Variants in ME3 observed in about 807,000 individuals in gnomAD.
ME3 encodes the protein malic enzyme 3.
A neutral mutation model predicts 68.9 loss-of-function variants in ME3; 48 were observed. The observed-to-expected ratio is 0.70, with a 90% CI of 0.55 to 0.89. The LOEUF (loss-of-function observed/expected upper bound fraction) is 0.89, where lower values mean the gene tolerates loss of function less well. Among genes scored for constraint, ME3 ranks in the 40% least tolerant of loss-of-function variants. The pLI is 0.00. For synonymous variants in ME3, 320 were observed against 318.8 expected, an observed-to-expected ratio of 1.00 and a Z score of -0.04; for missense variants, 675 against 797.4, an observed-to-expected ratio of 0.85 and a Z score of 1.85.
chr11:86,438,766 T>G (rs998096122), downstream of ME3, among the ~76,000 whole-genome samples: 168 of 152,300 alleles, frequency 1.1e-3, 2 homozygotes, highest in African/African-American at 3.9e-3. Context: ...TTTTCTTTCC[T>G]TTCTCTCTTT....
At chr11:86,491,694 T>G (rs574118082) in intron 6 of ME3, among the ~76,000 whole-genome samples, 2 of 152,318 alleles carry the variant, frequency 1.3e-5, no homozygotes, top group South Asian at 4.1e-4. Flanking sequence ...CTTGCAGTCC[T>G]CCTCTGTCTG....
At chr11:86,452,976 G>T (rs1949713274) in intron 8 of ME3, among the ~76,000 whole-genome samples, 1 of 152,066 alleles carries the variant, frequency 6.6e-6, no homozygotes. Flanking sequence ...GAGGCATTTT[G>T]TTAGAGGTTT....
intron 2 of ME3, among the ~76,000 whole-genome samples, chr11:86,653,317 C>T (rs618384): frequency 0.99 from 150,124 of 152,304 alleles, 74,013 homozygotes; most frequent in Non-Finnish European, 1. Flanking sequence ...ACACCACACC[C>T]ATTCCAAAAT....
intron 14 of ME3, 71 bp from the exon 15 acceptor site, chr11:86,441,511 G>T (rs931559004): frequency 7.0e-7 from 1 of 1,431,418 alleles, no homozygotes; most frequent in Non-Finnish European, 9.4e-7. Context: ...TTGCTTGGGA[G>T]CATGGGGGAG....
intron 2 of ME3, among the ~76,000 whole-genome samples, chr11:86,592,048 G>A (rs4405344): frequency 0.6 from 91,647 of 152,064 alleles, 29,183 homozygotes; most frequent in Non-Finnish European, 0.7. Context: ...AAAATCTCAC[G>A]TGAAGTCCAA....
rs141122868 is a variant in ME3, at chr11:86,666,562, T to C, written c.183+5200A>G. 3.9e-3 allele frequency among the ~76,000 whole-genome samples: 598 copies of C among 152,358 alleles called. 6 individuals carry two copies. The highest frequency in any genetic ancestry group is 0.011 in the African/African-American group (475 of 41,586). ...CCAATACTTAGTAATCCTGTGAAGC[T>C]AGGACAGTATTCAACAGAGAAAAGT... On this transcript the variant is annotated intron_variant, in intron 2 of 14. Transcript: ENST00000543262.
intron 4 of ME3, among the ~76,000 whole-genome samples, chr11:86,526,330 C>G (rs2139227084): frequency 6.6e-6 from 1 of 152,294 alleles, no homozygotes; most frequent in South Asian, 2.1e-4. Context: ...GAGGAATGCC[C>G]ACTCTTGCTG....
chr11:86,529,614 T>G, intron 4 of ME3, among the ~76,000 whole-genome samples: 1 of 152,098 alleles, frequency 6.6e-6, no homozygotes, highest in Non-Finnish European at 1.5e-5. Context: ...CTCAATAAAA[T>G]ACTGGCAAAC....
At chr11:86,664,038 A>G (rs1276494906) in intron 2 of ME3, among the ~76,000 whole-genome samples, 1 of 152,228 alleles carries the variant, frequency 6.6e-6, no homozygotes, top group Admixed American at 6.5e-5. Flanking sequence ...CCTCTAGAAG[A>G]TAACTAATAA....
intron 2 of ME3, among the ~76,000 whole-genome samples, chr11:86,656,158 A>T (rs1484742752): frequency 6.6e-5 from 10 of 151,310 alleles, no homozygotes; most frequent in Admixed American, 5.9e-4. Flanking sequence ...GTGGGACTGT[A>T]AACTAGTTCA....
chr11:86,522,001 G>A (rs1405678856), intron 4 of ME3, among the ~76,000 whole-genome samples: 1 of 152,202 alleles, frequency 6.6e-6, no homozygotes, highest in Non-Finnish European at 1.5e-5. Context: ...TGTAATCCCA[G>A]TACTTTGGGA....
intron 2 of ME3, among the ~76,000 whole-genome samples, chr11:86,597,954 T>C (rs918549414): frequency 1.3e-5 from 2 of 152,006 alleles, no homozygotes; most frequent in Admixed American, 1.3e-4. Context: ...GAAAGAGTTA[T>C]CAGTAGGGAG....
chr11:86,594,462 G>A lies in ME3; in HGVS notation c.184-34639C>T, dbSNP rs987711739. ...TCCCAGCACTTTGGGAGGCCAAGGT[G>A]GGTGAAGCACTTGAGCCCAGGTGTT... On this transcript the variant is annotated intron_variant, in intron 2 of 14. Transcript: ENST00000543262. Among the ~76,000 whole-genome samples the A allele has an allele frequency of 2.1e-5, 3 of 145,564 alleles. 1 individual carries two copies. Among genetic ancestry groups the A allele is most frequent in the African/African-American group, 7.6e-5 (3 of 39,416 alleles).
At position 86,481,144 on chromosome 11, in the gene ME3, T is replaced by C. The variant is rs189934619; in HGVS notation, c.809+6193A>G. ...GCAGCTTCAAACCCCTGGGCTTAAG[T>C]GATCCTCTTGCTTCAGCTTTCTAAG... On this transcript the variant is annotated intron_variant, in intron 7 of 14. Transcript: ENST00000543262. 9.9e-5 allele frequency among the ~76,000 whole-genome samples: 15 copies of C among 151,754 alleles called. No homozygotes were observed. In the East Asian group the frequency reaches 2.9e-3, roughly 29 times the overall value.
At chr11:86,465,238 T>G (rs896256792) in intron 7 of ME3, 38 bp from the exon 8 acceptor site, 2 of 1,453,960 alleles carry the variant, frequency 1.4e-6, no homozygotes, top group African/African-American at 2.8e-5. Flanking sequence ...TGATTGCCTC[T>G]CTGAGGCAGA....
chr11:86,627,969 A>G (rs111790835), intron 2 of ME3, among the ~76,000 whole-genome samples: 137 of 152,306 alleles, frequency 9.0e-4, no homozygotes, highest in African/African-American at 3.0e-3. Context: ...GCTTCCAGCT[A>G]AAGTCCCCCC....
intron 2 of ME3, among the ~76,000 whole-genome samples, chr11:86,604,300 T>C (rs970813706): frequency 6.6e-6 from 1 of 152,016 alleles, no homozygotes; most frequent in South Asian, 2.1e-4. Flanking sequence ...CCAGCCCCCA[T>C]TTCCTGTCGG....
intron 6 of ME3, among the ~76,000 whole-genome samples, chr11:86,495,023 G>T (rs752519): frequency 0.048 from 7,281 of 152,232 alleles, 229 homozygotes; most frequent in Middle Eastern, 0.075. Flanking sequence ...TTTGAATAAT[G>T]TTCTAAATTC....
intron 2 of ME3, among the ~76,000 whole-genome samples, chr11:86,560,600 C>T (rs982220472): frequency 1.1e-4 from 17 of 151,282 alleles, no homozygotes; most frequent in African/African-American, 3.9e-4. Context: ...AGTCAATGAA[C>T]CAGTAATGAT....
Sources: gnomAD v4.1 joint callset for allele counts (sites outside exome capture counted in the v4.1 genomes callset) on GRCh38, gnomAD v4.1.1 for gene constraint, MANE v1.5 for transcripts, NCBI Gene and HGNC (gene_info 2026-07-23, HGNC 2026-07-21) for gene names.